Variants in ZFP1 observed in about 807,000 individuals in gnomAD.
The protein encoded by ZFP1 is ZFP1 zinc finger protein, also known as zinc finger protein 1 homolog.
A neutral mutation model predicts 38.5 loss-of-function variants in ZFP1; 32 were observed. The observed-to-expected ratio is 0.83, with a 90% confidence interval of 0.63 to 1.12. The LOEUF is 1.12. Among genes scored for constraint, ZFP1 ranks in the 50% most tolerant of loss-of-function variants. The pLI is 0.00. For synonymous variants in ZFP1, 245 were observed against 168.8 expected (o/e 1.45, Z -3.50); for missense variants, 616 against 480.8 (o/e 1.28, Z -2.63).
chr16:75,163,450 T>G (rs1025594394), intron 2 of ZFP1, among the ~76,000 whole-genome samples: 2 of 151,898 alleles, frequency 1.3e-5, no homozygotes, highest in Non-Finnish European at 2.9e-5. Flanking sequence ...TAGCTGAGAC[T>G]ACAGGTGCCC....
the ZFP1 span, among the ~76,000 whole-genome samples, chr16:75,123,332 C>T: frequency 4.7e-4 from 69 of 147,120 alleles, no homozygotes; most frequent in East Asian, 6.0e-3. Context: ...CCAGCCTGGG[C>T]GACACAGAGA....
At chr16:75,135,544 G>T in the ZFP1 span, among the ~76,000 whole-genome samples, 15 of 152,136 alleles carry the variant, frequency 9.9e-5, no homozygotes, top group African/African-American at 3.6e-4. Context: ...AAGGTGAGAG[G>T]ATTGGTAAGC....
chr16:75,123,118 A>C, the ZFP1 span, among the ~76,000 whole-genome samples: 1 of 151,730 alleles, frequency 6.6e-6, no homozygotes, highest in Non-Finnish European at 1.5e-5. Flanking sequence ...CTTGGGGAGG[A>C]CAAGGCGAGT....
intron 3 of ZFP1, 73 bp downstream of exon 3, chr16:75,166,969 G>A: frequency 6.5e-7 from 1 of 1,544,676 alleles, no homozygotes; most frequent in Non-Finnish European, 8.7e-7. Context: ...GACCAGAAAT[G>A]AGCTTCTGAA....
At chr16:75,148,952 T>C (rs2037030839) in intron 1 of ZFP1, 1 of 151,558 alleles carries the variant, frequency 6.6e-6, no homozygotes, top group Non-Finnish European at 1.5e-5. Context: ...GGGAGCGAGT[T>C]CTGGAGCCCC....
At chr16:75,167,043 G>A in intron 3 of ZFP1, 147 bp downstream of exon 3, 1 of 1,414,398 alleles carries the variant, frequency 7.1e-7, no homozygotes, top group Non-Finnish European at 9.4e-7. Context: ...AGCCTTTAAA[G>A]CTCTATCATC....
At chr16:75,163,889 CAT>C (rs901847779) in intron 2 of ZFP1, among the ~76,000 whole-genome samples, 29 of 152,310 alleles carry the variant, frequency 1.9e-4, no homozygotes, top group African/African-American at 6.7e-4. Context: ...GGATTACACA[CAT>C]GAGCCACAGC....
At chr16:75,139,165 C>G in the ZFP1 span, among the ~76,000 whole-genome samples, 1 of 151,694 alleles carries the variant, frequency 6.6e-6, no homozygotes, top group Non-Finnish European at 1.5e-5. Context: ...GTCAGGGGAT[C>G]GAGACCATCC....
At chr16:75,122,919 GA>G in the ZFP1 span, among the ~76,000 whole-genome samples, 26 of 152,006 alleles carry the variant, frequency 1.7e-4, no homozygotes, top group Admixed American at 1.7e-3. Flanking sequence ...TTTAAATAAT[GA>G]CAAGCACAGT....
the ZFP1 span, among the ~76,000 whole-genome samples, chr16:75,120,948 C>T: frequency 6.6e-6 from 1 of 152,078 alleles, no homozygotes; most frequent in Non-Finnish European, 1.5e-5. Context: ...TTAAGGAAGA[C>T]TATGGTTTAG....
intron 2 of ZFP1, among the ~76,000 whole-genome samples, chr16:75,153,992 G>A (rs1483219971): frequency 2.0e-5 from 3 of 152,114 alleles, no homozygotes; most frequent in Non-Finnish European, 4.4e-5. Context: ...TTAGAAATAT[G>A]CATTTAAGGT....
intron 1 of ZFP1, among the ~76,000 whole-genome samples, chr16:75,150,384 T>TG (rs1023556854): frequency 1.1e-3 from 6 of 5,442 alleles, no homozygotes; most frequent in Non-Finnish European, 6.0e-3. Context: ...AATTTTTTTA[T>TG]TTTTTTTTGT....
chr16:75,140,800 A>G, the ZFP1 span, among the ~76,000 whole-genome samples: 3 of 152,094 alleles, frequency 2.0e-5, no homozygotes, highest in Non-Finnish European at 4.4e-5. Flanking sequence ...TCTACTAAAA[A>G]TACAAAAAAT....
At chr16:75,120,174 T>G in the ZFP1 span, among the ~76,000 whole-genome samples, 1 of 152,220 alleles carries the variant, frequency 6.6e-6, no homozygotes, top group Non-Finnish European at 1.5e-5. Flanking sequence ...TGTGCGTGTG[T>G]GTGTTTGTAT....
chr16:75,156,103 G>A (rs765032487), intron 2 of ZFP1, among the ~76,000 whole-genome samples: 4 of 152,206 alleles, frequency 2.6e-5, no homozygotes, highest in Non-Finnish European at 5.9e-5. Context: ...CTTACTGGGA[G>A]CAATGTGGCA....
upstream of ZFP1, among the ~76,000 whole-genome samples, chr16:75,146,042 C>A (rs1351942127): frequency 6.6e-6 from 1 of 152,246 alleles, no homozygotes; most frequent in African/African-American, 2.4e-5. Context: ...GCTCCCCCTC[C>A]CATAAGGGGT....
At position 75,161,170 on chromosome 16, in the gene ZFP1, C is replaced by G. The variant is rs569849327; in HGVS notation, c.16-5600C>G. 8.5e-5 allele frequency among the ~76,000 whole-genome samples: 13 copies of G among 152,196 alleles called. No individual in the cohort carries two copies. The East Asian group carries it at 1.9e-3, about 23-fold the overall frequency. On this transcript the variant is annotated intron_variant, in intron 2 of 3. Coordinates refer to ENST00000570010, the MANE Select transcript of ZFP1 (RefSeq NM_153688.4). ...GCCACCTCCGCCTTCCGGGTTCAAG[C>G]GATTCTCCTGCCTCAGCCTCCCGAG...
At chr16:75,149,529 G>A (rs866595727) in intron 1 of ZFP1, among the ~76,000 whole-genome samples, 1 of 131,034 alleles carries the variant, frequency 7.6e-6, no homozygotes, top group African/African-American at 2.8e-5. Flanking sequence ...CTATATTTTT[G>A]TATTGTACCG....
the ZFP1 span, among the ~76,000 whole-genome samples, chr16:75,138,910 G>A: frequency 6.6e-6 from 1 of 152,166 alleles, no homozygotes; most frequent in African/African-American, 2.4e-5. Flanking sequence ...ACAGCTCTAG[G>A]AAATTAATGC....
Sources: gnomAD v4.1 joint callset for allele counts (sites outside exome capture counted in the v4.1 genomes callset) on GRCh38, gnomAD v4.1.1 for gene constraint, MANE v1.5 for transcripts, NCBI Gene and HGNC (gene_info 2026-07-23, HGNC 2026-07-21) for gene names.